The following SULT1C3 variants were observed in gnomAD, a reference collection of about 807,000 sequenced individuals.
SULT1C3 encodes sulfotransferase family 1C member 3, also known as sulfotransferase 1C3.
Under a neutral mutation model 28.4 loss-of-function variants are expected in SULT1C3, and 31 were observed. The ratio of observed to expected loss-of-function variants is 1.09; its 90% CI spans 0.82 to 1.47. The LOEUF (loss-of-function observed/expected upper bound fraction) is 1.47. Ranked by LOEUF, SULT1C3 falls within the 40% of genes most tolerant of loss-of-function variation. SULT1C3 has a pLI of 0.00. For synonymous variants in SULT1C3, 106 were observed against 92.2 expected, an observed-to-expected ratio of 1.15 and a Z score of -0.86; for missense variants, 307 against 272.5, an observed-to-expected ratio of 1.13 and a Z score of -0.89.
At position 108,251,491 on chromosome 2, in the gene SULT1C3, CAGACGTATGTACT is replaced by C. The variant is rs1675723788; in HGVS notation, c.173-873_173-861del. On this transcript the variant is annotated intron_variant, in intron 2 of 7. Coordinates refer to ENST00000681802, the MANE Select transcript of SULT1C3 (RefSeq NM_001320878.2). ...GTAGTATCACTAGTAGTGAGGCAAT[CAGACGTATGTACT>C]TCTTGGCATGGTGCAAGAAGTACCA... is the stretch of plus-strand genomic sequence containing the variant. 2.6e-5 allele frequency among the ~76,000 whole-genome samples: 4 copies of C among 152,096 alleles called. No homozygotes were observed. The South Asian group carries it at 8.3e-4, about 32-fold the overall frequency.
chr2:108,260,106 T>C (rs938665829), intron 7 of SULT1C3, among the ~76,000 whole-genome samples: 2 of 152,168 alleles, frequency 1.3e-5, no homozygotes, highest in African/African-American at 2.4e-5. Flanking sequence ...AGATCCCTAG[T>C]ATCCAAATGT....
At position 108,260,674 on chromosome 2, in the gene SULT1C3, G is replaced by A. The variant is rs574193440; in HGVS notation, c.909G>A (p.Glu303=). The change falls in exon 8 of 8, where the codon GAG becomes GAA. Residue 303 remains glutamate, a synonymous_variant. Coordinates refer to ENST00000681802, the MANE Select transcript of SULT1C3 (RefSeq NM_001320878.2). ...MAGSTLNFCL[E]I ...GGTCCACACTGAACTTCTGCCTGGA[G>A]ATCTGAGAGGAACAACAACAAACTA... The A allele has an allele frequency of 2.1e-6, 1 of 467,808 alleles. No individual in the cohort carries two copies. Among genetic ancestry groups the A allele is most frequent in the Non-Finnish European group, 4.3e-6 (1 of 232,754 alleles). 29.0% of individuals were successfully genotyped at this position (467,808 alleles called of 1,614,324 possible).
In SULT1C3 at chr2:108,260,784, T is replaced by C. The variant is rs1676006494; in HGVS notation, c.*104T>C. The C allele has an allele frequency of 2.5e-6, 1 of 396,612 alleles. No homozygotes were observed. The highest frequency in any genetic ancestry group is 5.1e-6 in the Non-Finnish European group (1 of 197,582). The allele number at this position is 396,612 out of a possible 1,614,324, so 24.6% of individuals were successfully genotyped here. A position where few individuals can be genotyped will look rare whatever the true frequency, so the allele number is the denominator to read the frequency against. On this transcript the variant is annotated 3_prime_UTR_variant, in exon 8 of 8. Transcript: ENST00000681802. Reference sequence around the variant, plus strand: ...TGAATGTGGAGCTTATGAGCTTCAGTCCATCTCCTATAGTGTGGCTAGTTT... The same window carrying C: ...TGAATGTGGAGCTTATGAGCTTCAGCCCATCTCCTATAGTGTGGCTAGTTT...
rs1477486536 is a variant in SULT1C3, at chr2:108,260,714, T to C, written c.*34T>C. On this transcript the variant is annotated 3_prime_UTR_variant, in exon 8 of 8. Transcript: ENST00000681802. Reference sequence around the variant, plus strand: ...ACAACAAACTAGGTGACAGAGACTATGCCAACTATTTCGCCTTTTATTCTG... The same window carrying C: ...ACAACAAACTAGGTGACAGAGACTACGCCAACTATTTCGCCTTTTATTCTG... The C allele has an allele frequency of 2.2e-6, 1 of 455,752 alleles. No homozygotes were observed. Among genetic ancestry groups the C allele is most frequent in the Non-Finnish European group, 4.4e-6 (1 of 226,514 alleles). The allele number at this position is 455,752 out of a possible 1,614,324, so 28.2% of individuals were successfully genotyped here.
intron 4 of SULT1C3, 35 bp from the exon 5 acceptor site, chr2:108,255,537 C>T (rs1407132296): frequency 1.9e-6 from 3 of 1,599,464 alleles, no homozygotes; most frequent in Non-Finnish European, 2.6e-6. Context: ...GTCTATTTTT[C>T]TCTCCATGGC....
chr2:108,243,611 A>G (rs1675512404), intron 1 of SULT1C3, among the ~76,000 whole-genome samples: 1 of 149,742 alleles, frequency 6.7e-6, no homozygotes, highest in East Asian at 2.0e-4. Flanking sequence ...AGGCTGGGTG[A>G]CAGAGCAAGA....
At chr2:108,243,073 C>T (rs1228665560) in intron 1 of SULT1C3, among the ~76,000 whole-genome samples, 1 of 152,178 alleles carries the variant, frequency 6.6e-6, no homozygotes, top group Non-Finnish European at 1.5e-5. Flanking sequence ...AGTAACCTTA[C>T]AGGTGAAACC....
At chr2:108,265,338 G>T, downstream of SULT1C3, 3 of 1,613,172 alleles carry the variant, frequency 1.9e-6, no homozygotes, top group African/African-American at 1.3e-5. Context: ...CTAACCTTCC[G>T]CACAGAGATC....
chr2:108,264,991 C>G, downstream of SULT1C3: 2 of 1,610,328 alleles, frequency 1.2e-6, no homozygotes, highest in South Asian at 1.1e-5. Context: ...TCCATCTCCC[C>G]TTTTATGAGG....
rs368118715 is a variant in SULT1C3 at position 108,243,398 on chromosome 2, G to A, written c.-8+3315G>A. Among the ~76,000 whole-genome samples the A allele has an allele frequency of 2.7e-4, 41 of 152,180 alleles. No individual in the cohort carries two copies. The East Asian group carries it at 4.5e-3, about 17-fold the overall frequency. Reference sequence around the variant, plus strand: ...TGTAATCCCAGCACTTTAGGAGGCCGAGGCAGGTGGATCACGAGGTCAGGA... The same window carrying A: ...TGTAATCCCAGCACTTTAGGAGGCCAAGGCAGGTGGATCACGAGGTCAGGA... On this transcript the variant is annotated intron_variant, in intron 1 of 7. Transcript: ENST00000681802.
chr2:108,253,439 C>G lies in SULT1C3; in HGVS notation c.396C>G (p.Cys132Trp). The G allele has an allele frequency of 6.5e-7, 1 of 1,536,314 alleles. No individual in the cohort carries two copies. The highest frequency in any genetic ancestry group is 8.8e-7 in the Non-Finnish European group (1 of 1,137,112). Residue 132 changes from cysteine (C) to tryptophan (W), a missense_variant, in exon 4 of 8, where the codon TGC (cysteine) becomes TGG (tryptophan). Coordinates refer to ENST00000681802, the MANE Select transcript of SULT1C3 (RefSeq NM_001320878.2). ...LIPPSIWKENCKIVYVARNPK... is the reference protein window; with the variant it reads ...LIPPSIWKENWKIVYVARNPK... Reference sequence around the variant, plus strand: ...CACCATCTATCTGGAAAGAAAACTGCAAGGTATAAAGAGGGGGCTTTTCAA... The same window carrying G: ...CACCATCTATCTGGAAAGAAAACTGGAAGGTATAAAGAGGGGGCTTTTCAA...
rs1558663617 is a variant in SULT1C3 at position 108,252,106 on chromosome 2, CA to C, written c.173-258del. 1.7e-3 allele frequency among the ~76,000 whole-genome samples: 258 copies of C among 151,492 alleles called. 2 individuals carry two copies. The highest frequency in any genetic ancestry group is 6.2e-3 in the African/African-American group (254 of 41,298). On this transcript the variant is annotated intron_variant, in intron 2 of 7. Transcript: ENST00000681802. ...ACATACATACATACATACTTAGATA[CA>C]TAGATAGATACATAGATACATAAAG...
At chr2:108,243,912 A>T (rs752644283) in intron 1 of SULT1C3, among the ~76,000 whole-genome samples, 15 of 152,208 alleles carry the variant, frequency 9.9e-5, no homozygotes, top group Non-Finnish European at 1.9e-4. Flanking sequence ...AAAAAGGCTG[A>T]GAGTAAAGTA....
At chr2:108,262,424 G>A (rs916812577), downstream of SULT1C3, among the ~76,000 whole-genome samples, 3 of 152,184 alleles carry the variant, frequency 2.0e-5, no homozygotes, top group Admixed American at 2.0e-4. Context: ...TGGACTCAGA[G>A]TATTGATGAC....
At chr2:108,252,744 T>A (rs936041119) in intron 3 of SULT1C3, among the ~76,000 whole-genome samples, 1 of 152,010 alleles carries the variant, frequency 6.6e-6, no homozygotes, top group Non-Finnish European at 1.5e-5. Context: ...AATGTTACGA[T>A]AAAGAAGACT....
chr2:108,248,313 C>T lies in SULT1C3; in HGVS notation c.172+947C>T, dbSNP rs57364296. ...CCGAAGGGACAAGATTGGATGTGTA[C>T]TCCAGCCATAATAAAAAAGGAAACT... On this transcript the variant is annotated intron_variant, in intron 2 of 7. Transcript: ENST00000681802. Among the ~76,000 whole-genome samples the T allele has an allele frequency of 1.4e-3, 215 of 152,236 alleles. 5 individuals carry two copies. In the East Asian group the frequency reaches 0.036, roughly 26 times the overall value.
At chr2:108,252,295 C>A in intron 2 of SULT1C3, 70 bp from the exon 3 acceptor site, 1 of 1,459,360 alleles carries the variant, frequency 6.9e-7, no homozygotes, top group Non-Finnish European at 9.2e-7. Flanking sequence ...TGTCTTTCTT[C>A]AAAATATTCA....
At chr2:108,245,214 C>T (rs1444788334) in intron 1 of SULT1C3, among the ~76,000 whole-genome samples, 1 of 152,130 alleles carries the variant, frequency 6.6e-6, no homozygotes, top group Non-Finnish European at 1.5e-5. Flanking sequence ...AGGAACTAAA[C>T]TTTTGGGCCT....
At chr2:108,255,002 A>G (rs1380142669) in intron 4 of SULT1C3, among the ~76,000 whole-genome samples, 1 of 151,974 alleles carries the variant, frequency 6.6e-6, no homozygotes, top group Non-Finnish European at 1.5e-5. Flanking sequence ...GATTAGTGGT[A>G]GTGCCTCCAA....
Sources: gnomAD v4.1 joint callset for allele counts (sites outside exome capture counted in the v4.1 genomes callset) on GRCh38, gnomAD v4.1.1 for gene constraint, MANE v1.5 for transcripts, NCBI Gene and HGNC (gene_info 2026-07-23, HGNC 2026-07-21) for gene names.